The following KBTBD2 variants were observed in gnomAD, a reference collection of about 807,000 sequenced individuals.
KBTBD2 encodes the protein kelch repeat and BTB domain containing 2.
Under a neutral mutation model 57.1 loss-of-function variants are expected in KBTBD2, and 17 were observed. That is an observed-to-expected ratio of 0.30 (90% confidence interval 0.20 to 0.45). KBTBD2 has a LOEUF of 0.45. Among genes scored for constraint, KBTBD2 ranks in the 20% least tolerant of loss-of-function variants. The pLI is 1.00. For synonymous variants in KBTBD2, 267 were observed against 262.7 expected, an observed-to-expected ratio of 1.02 and a Z score of -0.16; for missense variants, 515 against 750.6, an observed-to-expected ratio of 0.69 and a Z score of 3.67.
chr7:32,869,337 C>G lies in KBTBD2; in HGVS notation c.*8G>C. On this transcript the variant is annotated 3_prime_UTR_variant, in exon 4 of 4. Transcript: ENST00000304056. Reference sequence around the variant, plus strand: ...ATAACTCAGGCGTGCACTCCCTGAACTTCCCCACTATACAGGTGGTAGTGC... The same window carrying G: ...ATAACTCAGGCGTGCACTCCCTGAAGTTCCCCACTATACAGGTGGTAGTGC... 1 of 1,582,646 alleles carries G rather than the reference C, an allele frequency of 6.3e-7. No homozygotes were observed. Among genetic ancestry groups the G allele is most frequent in the South Asian group, 1.1e-5 (1 of 87,050 alleles).
intron 1 of KBTBD2, among the ~76,000 whole-genome samples, chr7:32,881,414 T>C (rs939748797): frequency 6.6e-5 from 10 of 152,152 alleles, no homozygotes; most frequent in Admixed American, 5.9e-4. Flanking sequence ...TTTCACCAAC[T>C]GTTAAGATGA....
chr7:32,888,126 A>G (rs1784627228), intron 1 of KBTBD2, among the ~76,000 whole-genome samples: 1 of 152,228 alleles, frequency 6.6e-6, no homozygotes, highest in African/African-American at 2.4e-5. Context: ...GAGAAATCCA[A>G]TGTTTTCAGA....
At chr7:32,875,628 G>C (rs1400957113) in intron 2 of KBTBD2, among the ~76,000 whole-genome samples, 1 of 152,086 alleles carries the variant, frequency 6.6e-6, no homozygotes, top group Non-Finnish European at 1.5e-5. Flanking sequence ...ATATATACCA[G>C]ACTATTCCAC....
rs1784146062 is a variant in KBTBD2, at chr7:32,870,404, G to A, written c.813C>T (p.Phe271=). 1.2e-6 allele frequency: 2 copies of A among 1,613,856 alleles called. No individual in the cohort carries two copies. Among genetic ancestry groups the A allele is most frequent in the Non-Finnish European group, 1.7e-6 (2 of 1,179,884 alleles). ...LGMTKEEMMI[F]IEASSENPCS... ...AAGGATTTTCTGAAGATGCTTCAAT[G>A]AAAATCATCATTTCCTCTTTAGTCA... The change falls in exon 4 of 4, where the codon TTC becomes TTT. Residue 271 remains phenylalanine, a synonymous_variant. Coordinates refer to ENST00000304056, the MANE Select transcript of KBTBD2 (RefSeq NM_015483.3).
In KBTBD2 at chr7:32,869,387, C is replaced by T. The variant is rs1784109234; in HGVS notation, c.1830G>A (p.Glu610=). The T allele has an allele frequency of 6.2e-7, 1 of 1,613,762 alleles. No individual in the cohort carries two copies. The highest frequency in any genetic ancestry group is 1.1e-5 in the South Asian group (1 of 91,024). ...CAACCATTTCTCCATCCAGTTCAAA[C>T]TCTTCTGTCCCATCCGTTGAAAAAA... is the stretch of plus-strand genomic sequence containing the variant. ...TYLFSTDGTE[E]FELDGEMVAL... The change falls in exon 4 of 4, where the codon GAG becomes GAA. Residue 610 remains glutamate (E), a synonymous_variant. Coordinates refer to ENST00000304056, the MANE Select transcript of KBTBD2 (RefSeq NM_015483.3).
intron 1 of KBTBD2, among the ~76,000 whole-genome samples, chr7:32,884,281 G>A (rs182763130): frequency 2.0e-5 from 3 of 152,050 alleles, no homozygotes; most frequent in Admixed American, 2.0e-4. Flanking sequence ...GGGAGGCCAA[G>A]GCGAGAGGGT....
intron 1 of KBTBD2, among the ~76,000 whole-genome samples, chr7:32,884,808 A>C (rs1784527686): frequency 2.6e-5 from 4 of 152,030 alleles, no homozygotes; most frequent in Admixed American, 2.6e-4. Flanking sequence ...CTCTATCCCA[A>C]AGATTTAACT....
Position 32,884,582 on chromosome 7 carries a change from C to T in KBTBD2, c.-338-4640G>A, listed in dbSNP as rs187402452. Among the ~76,000 whole-genome samples, 12 of 149,808 alleles carry T rather than the reference C, an allele frequency of 8.0e-5. No individual in the cohort carries two copies. The South Asian group carries it at 1.9e-3, about 24-fold the overall frequency. ...GTGCGTGCCTGTAATCCCTGCTACT[C>T]GGGAGGCTGAGGCAGGAGAATGGCT... On this transcript the variant is annotated intron_variant, in intron 1 of 3. Transcript: ENST00000304056.
rs986312526 is a variant in KBTBD2, at chr7:32,868,917, T to C, written c.*428A>G. 6.3e-6 allele frequency: 1 copy of C among 159,178 alleles called. No individual in the cohort carries two copies. The allele number at this position is 159,178 out of a possible 1,614,324, so 9.9% of individuals were successfully genotyped here. A position where few individuals can be genotyped will look rare whatever the true frequency, so the allele number is the denominator to read the frequency against. On this transcript the variant is annotated 3_prime_UTR_variant, in exon 4 of 4. Transcript: ENST00000304056. ...TTAGTGTTAAGTGCAGTTGAATTAA[T>C]TACACTGAAAACTGTATTCCAGGAC...
At chr7:32,890,005 C>T (rs894916341) in intron 1 of KBTBD2, among the ~76,000 whole-genome samples, 1 of 152,246 alleles carries the variant, frequency 6.6e-6, no homozygotes, top group Non-Finnish European at 1.5e-5. Flanking sequence ...TCCTTCCCAT[C>T]TCCTTACATG....
At chr7:32,873,010 G>A (rs1784218964) in intron 3 of KBTBD2, among the ~76,000 whole-genome samples, 2 of 152,134 alleles carry the variant, frequency 1.3e-5, no homozygotes, top group South Asian at 4.1e-4. Flanking sequence ...CCAGTGTCAT[G>A]CATACTCATT....
chr7:32,887,223 A>G lies in KBTBD2; in HGVS notation c.-339+4313T>C, dbSNP rs543370732. 2.0e-5 allele frequency among the ~76,000 whole-genome samples: 3 copies of G among 152,354 alleles called. No homozygotes were observed. The South Asian group carries it at 6.2e-4, about 32-fold the overall frequency. On this transcript the variant is annotated intron_variant, in intron 1 of 3. Transcript: ENST00000304056. ...TGAAAAAGGAAGAAAGGATAAAAAG[A>G]TGGGAAGGAGGCTGCTAGCAAGGCC...
intron 1 of KBTBD2, among the ~76,000 whole-genome samples, chr7:32,889,311 ACTTG>A (rs1427487004): frequency 6.7e-6 from 1 of 148,450 alleles, no homozygotes; most frequent in East Asian, 2.0e-4. Flanking sequence ...AAAAAAAATT[ACTTG>A]AGATCGGCCG....
intron 1 of KBTBD2, among the ~76,000 whole-genome samples, chr7:32,883,608 G>A (rs1426473609): frequency 2.0e-5 from 3 of 152,218 alleles, no homozygotes; most frequent in Non-Finnish European, 1.5e-5. Flanking sequence ...ATTACATTTT[G>A]TATATCATTC....
In KBTBD2 at chr7:32,879,427, G is replaced by A. The variant is rs573729339; in HGVS notation, c.170+8C>T. On this transcript the variant is annotated splice_region_variant and intron_variant, in intron 2 of 3. Transcript: ENST00000304056. ...AGAATTTCTATTTAAAACATTAAAAGTACTTACCTGAAATAAGAGCTACAT... is the reference window on the plus strand; with the variant it reads ...AGAATTTCTATTTAAAACATTAAAAATACTTACCTGAAATAAGAGCTACAT... 2.5e-6 allele frequency: 4 copies of A among 1,569,786 alleles called. No homozygotes were observed. The East Asian group carries it at 6.8e-5, about 27-fold the overall frequency.
At chr7:32,884,939 T>G (rs1784530713) in intron 1 of KBTBD2, among the ~76,000 whole-genome samples, 1 of 149,132 alleles carries the variant, frequency 6.7e-6, no homozygotes, top group African/African-American at 2.5e-5. Context: ...TTTTAAAAAT[T>G]TATATTTCTT....
rs1003423442 is a variant in KBTBD2 at position 32,869,187 on chromosome 7, T to C, written c.*158A>G. On this transcript the variant is annotated 3_prime_UTR_variant, in exon 4 of 4. Coordinates refer to ENST00000304056, the MANE Select transcript of KBTBD2 (RefSeq NM_015483.3). ...TATCTTTCTGTAAGACTCACTGATA[T>C]ATATTATACTGATGCAAATATTAAG... 2 of 560,320 alleles carry C rather than the reference T, an allele frequency of 3.6e-6. No homozygotes were observed. The highest frequency in any genetic ancestry group is 3.1e-6 in the Non-Finnish European group (1 of 319,376). 34.7% of individuals were successfully genotyped at this position (560,320 alleles called of 1,614,324 possible).
chr7:32,877,294 G>A (rs1784337988), intron 2 of KBTBD2, among the ~76,000 whole-genome samples: 1 of 152,180 alleles, frequency 6.6e-6, no homozygotes, highest in African/African-American at 2.4e-5. Flanking sequence ...TGGGATTACA[G>A]GCATGTGCCA....
intron 1 of KBTBD2, among the ~76,000 whole-genome samples, chr7:32,886,842 T>C (rs957052567): frequency 6.6e-6 from 1 of 152,146 alleles, no homozygotes; most frequent in East Asian, 1.9e-4. Context: ...TTTTACAGAT[T>C]CTGATTATTA....
Sources: allele counts gnomAD v4.1 joint callset (sites outside exome capture counted in the v4.1 genomes callset), GRCh38; gene constraint gnomAD v4.1.1; transcripts MANE v1.5; gene names NCBI Gene and HGNC (gene_info 2026-07-23, HGNC 2026-07-21).